The following ATE1 variants were observed in gnomAD, a reference collection of about 807,000 sequenced individuals.
The protein encoded by ATE1 is arginyl-tRNA--protein transferase 1.
A neutral mutation model predicts 70.5 loss-of-function variants in ATE1; 36 were observed. The ratio of observed to expected loss-of-function variants is 0.51; its 90% confidence interval spans 0.39 to 0.67. The LOEUF (loss-of-function observed/expected upper bound fraction) is 0.67. Ranked by LOEUF, ATE1 falls within the 30% of genes least tolerant of loss-of-function variation. ATE1 has a pLI of 0.00. For synonymous variants in ATE1, 232 were observed against 219.3 expected, an observed-to-expected ratio of 1.06 and a Z score of -0.51; for missense variants, 593 against 629.5, an observed-to-expected ratio of 0.94 and a Z score of 0.62.
intron 7 of ATE1, among the ~76,000 whole-genome samples, chr10:121,875,695 C>CT (rs1465415527): frequency 6.6e-6 from 1 of 152,110 alleles, no homozygotes; most frequent in African/African-American, 2.4e-5. Flanking sequence ...GAGACACTCT[C>CT]TAAAAAACGA....
chr10:121,875,581 A>AGGCG (rs1950026672), intron 7 of ATE1, among the ~76,000 whole-genome samples: 2 of 152,266 alleles, frequency 1.3e-5, no homozygotes, highest in African/African-American at 4.8e-5. Context: ...CTGGGATTAC[A>AGGCG]GGCGTGAGCC....
intron 10 of ATE1, among the ~76,000 whole-genome samples, chr10:121,811,856 TA>T (rs1369376470): frequency 6.6e-6 from 1 of 151,986 alleles, no homozygotes; most frequent in South Asian, 2.1e-4. Context: ...CCTTGAGAGC[TA>T]GGGGCAATGT....
At chr10:121,827,230 T>A (rs1038702547) in intron 10 of ATE1, among the ~76,000 whole-genome samples, 3 of 152,108 alleles carry the variant, frequency 2.0e-5, no homozygotes, top group Non-Finnish European at 2.9e-5. Flanking sequence ...GCCAGGATGG[T>A]CTCAATCTCT....
rs377263660 is a variant in ATE1 at position 121,793,299 on chromosome 10, A to G, written c.1258-3010T>C. ...TTGGTAAGGATTTGGACTAATTAGAACTTACATATTGTTGGTTTAAAATGG... is the reference window on the plus strand; with the variant it reads ...TTGGTAAGGATTTGGACTAATTAGAGCTTACATATTGTTGGTTTAAAATGG... On this transcript the variant is annotated intron_variant, in intron 10 of 11. Transcript: ENST00000224652. 2.2e-4 allele frequency among the ~76,000 whole-genome samples: 33 copies of G among 152,362 alleles called. No homozygotes were observed. The East Asian group carries it at 5.6e-3, about 26-fold the overall frequency.
intron 11 of ATE1, among the ~76,000 whole-genome samples, chr10:121,765,995 C>A (rs1396912253): frequency 6.6e-6 from 1 of 152,124 alleles, no homozygotes; most frequent in African/African-American, 2.4e-5. Context: ...ATGGTGATAT[C>A]ATATATTATA....
At chr10:121,816,776 T>C (rs375898610) in intron 10 of ATE1, among the ~76,000 whole-genome samples, 72 of 152,332 alleles carry the variant, frequency 4.7e-4, no homozygotes, top group African/African-American at 1.7e-3. Flanking sequence ...ATAAAAATAT[T>C]TGTAAATCAA....
intron 10 of ATE1, among the ~76,000 whole-genome samples, chr10:121,791,473 A>T (rs1165198111): frequency 6.6e-6 from 1 of 152,204 alleles, no homozygotes; most frequent in Admixed American, 6.5e-5. Context: ...AAAAAAAATC[A>T]TTCACTTAAT....
At chr10:121,888,261 G>A (rs1250876262) in intron 7 of ATE1, among the ~76,000 whole-genome samples, 4 of 152,140 alleles carry the variant, frequency 2.6e-5, no homozygotes, top group Non-Finnish European at 5.9e-5. Context: ...GGGCGTGGTG[G>A]CAGGCGCCTG....
intron 11 of ATE1, among the ~76,000 whole-genome samples, chr10:121,785,248 A>G (rs1946158350): frequency 6.6e-6 from 1 of 152,214 alleles, no homozygotes; most frequent in Non-Finnish European, 1.5e-5. Context: ...TGCATCTAAA[A>G]TAATTAGGAA....
chr10:121,829,683 T>C (rs978351110), intron 10 of ATE1, among the ~76,000 whole-genome samples: 11 of 149,386 alleles, frequency 7.4e-5, no homozygotes, highest in African/African-American at 2.7e-4. Flanking sequence ...CACTCCAGCC[T>C]GGGCGACAGA....
At chr10:121,850,932 A>G (rs1050961404) in intron 8 of ATE1, among the ~76,000 whole-genome samples, 3 of 151,820 alleles carry the variant, frequency 2.0e-5, no homozygotes, top group Non-Finnish European at 4.4e-5. Flanking sequence ...TCTACTAAAA[A>G]TACAAAAAAT....
intron 5 of ATE1, among the ~76,000 whole-genome samples, chr10:121,906,582 CAAA>C (rs113241921): frequency 6.8e-6 from 1 of 146,052 alleles, no homozygotes; most frequent in Non-Finnish European, 1.5e-5. Context: ...TTGCAGGTTC[CAAA>C]AAAAAAAAAA....
chr10:121,866,560 A>G (rs1449358273), intron 8 of ATE1, among the ~76,000 whole-genome samples: 1 of 152,084 alleles, frequency 6.6e-6, no homozygotes, highest in African/African-American at 2.4e-5. Context: ...AAAAGTATAT[A>G]TTTGTGGCCG....
chr10:121,840,993 T>C (rs765585168), intron 9 of ATE1, 89 bp downstream of exon 9: 4 of 1,186,874 alleles, frequency 3.4e-6, no homozygotes, highest in Non-Finnish European at 4.5e-6. Flanking sequence ...AATTAGGACT[T>C]CTACTGTTAC....
At chr10:121,890,965 A>G (rs1320621204) in intron 7 of ATE1, among the ~76,000 whole-genome samples, 1 of 152,128 alleles carries the variant, frequency 6.6e-6, no homozygotes, top group East Asian at 1.9e-4. Context: ...ATTTGCAATT[A>G]TGTGCTACTT....
At chr10:121,752,587 G>T (rs954699732) in intron 11 of ATE1, among the ~76,000 whole-genome samples, 10 of 152,122 alleles carry the variant, frequency 6.6e-5, no homozygotes, top group Non-Finnish European at 1.5e-4. Context: ...TTTAATTTTT[G>T]TATATGGTGT....
At chr10:121,848,481 G>A (rs928547546) in intron 8 of ATE1, among the ~76,000 whole-genome samples, 9 of 151,880 alleles carry the variant, frequency 5.9e-5, no homozygotes, top group African/African-American at 2.2e-4. Context: ...AGCCAGGTGT[G>A]GTGGTGGGGG....
intron 11 of ATE1, among the ~76,000 whole-genome samples, chr10:121,751,279 A>G (rs562808454): frequency 3.3e-5 from 5 of 152,380 alleles, no homozygotes; most frequent in Admixed American, 3.3e-4. Context: ...TATAATTTAC[A>G]TACCATGTAA....
chr10:121,826,573 G>A (rs549722837), intron 10 of ATE1, among the ~76,000 whole-genome samples: 3 of 152,256 alleles, frequency 2.0e-5, no homozygotes, highest in Admixed American at 2.0e-4. Context: ...CCAAAGTGCT[G>A]GGATTACAGG....
Sources: allele counts gnomAD v4.1 joint callset (sites outside exome capture counted in the v4.1 genomes callset), GRCh38; gene constraint gnomAD v4.1.1; transcripts MANE v1.5; gene names NCBI Gene and HGNC (gene_info 2026-07-23, HGNC 2026-07-21).